The following GNG7 variants were observed in gnomAD, a reference collection of about 807,000 sequenced individuals.
The protein encoded by GNG7 is G protein subunit gamma 7.
In GNG7, 1 loss-of-function variant was observed where a neutral mutation model predicts 4.0. The ratio of observed to expected loss-of-function variants is 0.25; its 90% CI spans 0.09 to 1.18. GNG7 has a LOEUF of 1.18. GNG7 is among the 50% of genes most tolerant of loss of function. The probability of loss-of-function intolerance (pLI) is 0.50; values close to 1 mark genes in which losing one functional copy is unlikely to be tolerated. For missense variants in GNG7, 86 were observed against 91.9 expected (o/e 0.94, Z 0.26); for synonymous variants, 34 against 36.9 (o/e 0.92, Z 0.29).
intron 2 of GNG7, among the ~76,000 whole-genome samples, chr19:2,598,719 T>C (rs1599413854): frequency 6.7e-6 from 1 of 148,566 alleles, no homozygotes; most frequent in South Asian, 2.1e-4. Flanking sequence ...ATAATAATAA[T>C]AATAATGCTA....
intron 2 of GNG7, among the ~76,000 whole-genome samples, chr19:2,623,522 C>T (rs1309068593): frequency 6.6e-6 from 1 of 152,152 alleles, no homozygotes. Flanking sequence ...GAAGGGAATC[C>T]CAACACAGGC....
At chr19:2,568,401 CACACATATACACATAGACAT>C (rs1980011077) in intron 2 of GNG7, among the ~76,000 whole-genome samples, 1 of 150,838 alleles carries the variant, frequency 6.6e-6, no homozygotes, top group African/African-American at 2.4e-5. Flanking sequence ...CACAAACACA[CACACATATACACATAGACAT>C]ACACACATAC....
At chr19:2,685,845 G>A (rs995278880) in intron 1 of GNG7, among the ~76,000 whole-genome samples, 5 of 152,092 alleles carry the variant, frequency 3.3e-5, no homozygotes, top group Admixed American at 3.3e-4. Flanking sequence ...GCCGTTGTTT[G>A]CCCAGTGAAA....
chr19:2,660,526 G>A (rs1028117127), intron 1 of GNG7, among the ~76,000 whole-genome samples: 4 of 151,968 alleles, frequency 2.6e-5, no homozygotes, highest in East Asian at 1.9e-4. Flanking sequence ...ATCCCAGCAC[G>A]TTGGGAGGCT....
At chr19:2,602,483 G>A (rs534448459) in intron 2 of GNG7, among the ~76,000 whole-genome samples, 1 of 152,350 alleles carries the variant, frequency 6.6e-6, no homozygotes, top group East Asian at 1.9e-4. Context: ...GCTGCCAGCA[G>A]ACAGGAATGC....
intron 2 of GNG7, among the ~76,000 whole-genome samples, chr19:2,572,512 A>T (rs1599398698): frequency 6.7e-6 from 1 of 150,048 alleles, no homozygotes; most frequent in Admixed American, 6.6e-5. Flanking sequence ...GCTCACTGCA[A>T]CCTCTGCCTC....
intron 2 of GNG7, chr19:2,643,028 T>G (rs752420571): frequency 2.4e-5 from 11 of 449,944 alleles, no homozygotes. Context: ...CCCTGCACCA[T>G]GTGCACCAGA....
intron 3 of GNG7, among the ~76,000 whole-genome samples, chr19:2,524,801 T>C (rs1237841025): frequency 6.6e-6 from 1 of 152,216 alleles, no homozygotes; most frequent in African/African-American, 2.4e-5. Context: ...GGCATGCATG[T>C]CACTATGGGT....
intron 2 of GNG7, among the ~76,000 whole-genome samples, chr19:2,598,441 A>G (rs1460115924): frequency 6.6e-6 from 1 of 151,096 alleles, no homozygotes; most frequent in Non-Finnish European, 1.5e-5. Flanking sequence ...GCGGATCACG[A>G]GGTCAGGAGA....
chr19:2,579,963 C>G (rs1382417794), intron 2 of GNG7, among the ~76,000 whole-genome samples: 1 of 152,188 alleles, frequency 6.6e-6, no homozygotes, highest in African/African-American at 2.4e-5. Flanking sequence ...TCCTCCAGTT[C>G]TGGGGGCGCA....
At chr19:2,592,814 A>AAG (rs144538545) in intron 2 of GNG7, among the ~76,000 whole-genome samples, 8 of 109,520 alleles carry the variant, frequency 7.3e-5, no homozygotes, top group Admixed American at 2.2e-4. Context: ...GAAAGAAAGA[A>AAG]AGAGAGAGAG....
chr19:2,648,470 A>G (rs1031173322), intron 1 of GNG7, among the ~76,000 whole-genome samples: 1 of 152,258 alleles, frequency 6.6e-6, no homozygotes, highest in African/African-American at 2.4e-5. Flanking sequence ...AGAGGTAGAC[A>G]GGAAATCTCT....
chr19:2,687,341 G>C (rs1360194592), intron 1 of GNG7, among the ~76,000 whole-genome samples: 1 of 152,170 alleles, frequency 6.6e-6, no homozygotes, highest in African/African-American at 2.4e-5. Flanking sequence ...GTTAGGCTGG[G>C]CATGGTGGCT....
chr19:2,659,272 A>AT (rs964502617), intron 1 of GNG7, among the ~76,000 whole-genome samples: 5 of 143,740 alleles, frequency 3.5e-5, no homozygotes, highest in African/African-American at 1.3e-4. Flanking sequence ...CCTGGCCTTG[A>AT]TTTTTTTTAA....
intron 3 of GNG7, among the ~76,000 whole-genome samples, chr19:2,539,844 T>TCCTCCTGCCTCCCTC: frequency 9.8e-6 from 1 of 102,456 alleles, no homozygotes; most frequent in Non-Finnish European, 2.1e-5. Flanking sequence ...CTCTCCTTTC[T>TCCTCCTGCCTCCCTC]CCTTCCTGCC....
chr19:2,681,034 G>A (rs1174571540), intron 1 of GNG7, among the ~76,000 whole-genome samples: 5 of 152,060 alleles, frequency 3.3e-5, no homozygotes, highest in Admixed American at 6.6e-5. Context: ...ATTTCCCTGA[G>A]GACTGACGCG....
intron 3 of GNG7, among the ~76,000 whole-genome samples, chr19:2,550,398 T>A (rs997337018): frequency 6.6e-6 from 1 of 152,200 alleles, no homozygotes. Context: ...CTAATTTTTT[T>A]ATTTTTTGGT....
chr19:2,631,641 C>T (rs1982161975), intron 2 of GNG7, among the ~76,000 whole-genome samples: 1 of 152,012 alleles, frequency 6.6e-6, no homozygotes, highest in South Asian at 2.1e-4. Context: ...GAGGGGGGAA[C>T]TTGGCCCAGG....
At chr19:2,584,652 G>A (rs1363943762) in intron 2 of GNG7, among the ~76,000 whole-genome samples, 8 of 108,304 alleles carry the variant, frequency 7.4e-5, no homozygotes, top group Non-Finnish European at 1.5e-4. Context: ...GGGAGGGAGG[G>A]AGGGAAGGAA....
Sources: gnomAD v4.1 joint callset for allele counts (sites outside exome capture counted in the v4.1 genomes callset) on GRCh38, gnomAD v4.1.1 for gene constraint, MANE v1.5 for transcripts, NCBI Gene and HGNC (gene_info 2026-07-23, HGNC 2026-07-21) for gene names.